The following NALCN variants were observed in gnomAD, a reference collection of about 807,000 sequenced individuals.
NALCN encodes the protein sodium leak channel NALCN.
Under a neutral mutation model 225.3 loss-of-function variants are expected in NALCN, and 111 were observed. The ratio of observed to expected loss-of-function variants is 0.49; its 90% CI spans 0.42 to 0.58. NALCN has a LOEUF of 0.58. Among genes scored for constraint, NALCN ranks in the 20% least tolerant of loss-of-function variants. The pLI is 0.00. For synonymous variants in NALCN, 764 were observed against 769.0 expected, an observed-to-expected ratio of 0.99 and a Z score of 0.11; for missense variants, 1,378 against 2,202.4, an observed-to-expected ratio of 0.63 and a Z score of 7.49.
chr13:101,349,057 A>T (rs1428465079), intron 6 of NALCN, among the ~76,000 whole-genome samples: 4 of 152,096 alleles, frequency 2.6e-5, no homozygotes, highest in Non-Finnish European at 5.9e-5. Flanking sequence ...GGTGGGGTGG[A>T]TGGAATTCTT....
rs527933743 is a variant in NALCN, at chr13:101,111,015, C to T, written c.2294+110G>A. ...AGCAAATAGAACGCGATTCCTCAGC[C>T]ATGCCTGTCTGGCAGCCAGGGCTGA... On this transcript the variant is annotated intron_variant, in intron 19 of 43. Coordinates refer to ENST00000251127, the MANE Select transcript of NALCN (RefSeq NM_052867.4). 1.1e-3 allele frequency: 1,181 copies of T among 1,068,498 alleles called. 7 individuals are homozygous for T. The highest frequency in any genetic ancestry group is 1.8e-3 in the Admixed American group (87 of 48,712). 66.2% of individuals were successfully genotyped at this position (1,068,498 alleles called of 1,614,324 possible).
At chr13:101,400,582 CACGTGT>C (rs202042313) in intron 1 of NALCN, among the ~76,000 whole-genome samples, 4,056 of 120,460 alleles carry the variant, frequency 0.034, 88 homozygotes, top group South Asian at 0.066. Context: ...TGTGTGTGTG[CACGTGT>C]GTGCGCGCGC....
chr13:101,366,857 G>A (rs2046389712), intron 6 of NALCN, among the ~76,000 whole-genome samples: 1 of 152,002 alleles, frequency 6.6e-6, no homozygotes, highest in African/African-American at 2.4e-5. Context: ...GTTGTGCATG[G>A]ATCTCAAAAC....
At chr13:101,116,952 C>A in intron 18 of NALCN, 1 of 516,510 alleles carries the variant, frequency 1.9e-6, no homozygotes, top group African/African-American at 1.9e-5. Flanking sequence ...GTGATCTTCC[C>A]AAGTAGAGAC....
At chr13:101,297,901 C>T (rs1235154534) in intron 7 of NALCN, among the ~76,000 whole-genome samples, 1 of 152,188 alleles carries the variant, frequency 6.6e-6, no homozygotes, top group Non-Finnish European at 1.5e-5. Flanking sequence ...TCTGATCCTC[C>T]AGCTGACTCT....
At chr13:101,086,713 C>T (rs915334418) in intron 30 of NALCN, among the ~76,000 whole-genome samples, 11 of 151,888 alleles carry the variant, frequency 7.2e-5, no homozygotes, top group Non-Finnish European at 1.5e-4. Context: ...ATGTTAATAT[C>T]TTTCACTATG....
At chr13:101,159,906 T>C (rs1307641481) in intron 15 of NALCN, among the ~76,000 whole-genome samples, 1 of 152,142 alleles carries the variant, frequency 6.6e-6, no homozygotes, top group Non-Finnish European at 1.5e-5. Context: ...CACATCTCTT[T>C]GTTAGTGAGA....
intron 16 of NALCN, 122 bp downstream of exon 16, chr13:101,144,638 A>C (rs1242528737): frequency 4.4e-6 from 4 of 904,014 alleles, no homozygotes; most frequent in Non-Finnish European, 6.5e-6. Flanking sequence ...TAGTAGAAAG[A>C]TGACAATAAA....
In NALCN at chr13:101,249,934, G is replaced by A. The variant is rs558360963; in HGVS notation, c.1266+8509C>T. Among the ~76,000 whole-genome samples the A allele has an allele frequency of 2.4e-4, 36 of 152,174 alleles. 1 individual carries two copies. Among genetic ancestry groups the A allele is most frequent in the Admixed American group, 4.6e-4 (7 of 15,276 alleles). On this transcript the variant is annotated intron_variant, in intron 11 of 43. Coordinates refer to ENST00000251127, the MANE Select transcript of NALCN (RefSeq NM_052867.4). ...AAAATCAGAGATATGATAATTAGAC[G>A]TGGAAAGACAAAACCTTAATTTCAG...
intron 10 of NALCN, among the ~76,000 whole-genome samples, chr13:101,272,296 G>A (rs1463163262): frequency 6.6e-6 from 1 of 151,714 alleles, no homozygotes; most frequent in Non-Finnish European, 1.5e-5. Flanking sequence ...CTCTGTTTGC[G>A]TGCATGCGTG....
intron 7 of NALCN, among the ~76,000 whole-genome samples, chr13:101,339,332 A>T (rs2139273247): frequency 6.6e-6 from 1 of 152,260 alleles, no homozygotes; most frequent in African/African-American, 2.4e-5. Context: ...TGTCCTTTAG[A>T]TTATGTCTAC....
rs562728632 is a variant in NALCN at position 101,063,151 on chromosome 13, A to G, written c.4605-1033T>C. On this transcript the variant is annotated intron_variant, in intron 40 of 43. Transcript: ENST00000251127. ...GGATTCCAGGTTATGGCTCAGACCCATGCACCCTGGTGCACCTGTGAGCTA... is the reference window on the plus strand; with the variant it reads ...GGATTCCAGGTTATGGCTCAGACCCGTGCACCCTGGTGCACCTGTGAGCTA... Among the ~76,000 whole-genome samples the G allele has an allele frequency of 3.3e-5, 5 of 152,278 alleles. No individual in the cohort carries two copies. The East Asian group carries it at 9.7e-4, about 29-fold the overall frequency.
chr13:101,076,631 C>A (rs2033272031), intron 34 of NALCN, among the ~76,000 whole-genome samples: 1 of 152,134 alleles, frequency 6.6e-6, no homozygotes, highest in Admixed American at 6.5e-5. Flanking sequence ...CGAAGGGGGT[C>A]CAGTGAGATC....
chr13:101,298,342 G>A (rs2043830667), intron 7 of NALCN, among the ~76,000 whole-genome samples: 1 of 136,998 alleles, frequency 7.3e-6, no homozygotes, highest in East Asian at 2.1e-4. Flanking sequence ...TTTTTTTTGA[G>A]ACGGTGTCTT....
At position 101,283,882 on chromosome 13, in the gene NALCN, A is replaced by C. The variant is rs377460815; in HGVS notation, c.1134+51T>G. On this transcript the variant is annotated intron_variant, in intron 10 of 43. Transcript: ENST00000251127. Reference sequence around the variant, plus strand: ...GCTGTGGATTTTCTTGGATGAAATAAAATTCAAAGACCTTTGCTGGGCGAT... The same window carrying C: ...GCTGTGGATTTTCTTGGATGAAATACAATTCAAAGACCTTTGCTGGGCGAT... 4.0e-5 allele frequency: 59 copies of C among 1,468,728 alleles called. No homozygotes were observed. The African/African-American group carries it at 4.2e-4, about 10-fold the overall frequency. The allele number at this position is 1,468,728 out of a possible 1,614,324, so 91.0% of individuals were successfully genotyped here.
At chr13:101,315,139 G>C (rs9557615) in intron 7 of NALCN, among the ~76,000 whole-genome samples, 1 of 151,904 alleles carries the variant, frequency 6.6e-6, no homozygotes, top group African/African-American at 2.4e-5. Context: ...GTAATGCTAG[G>C]GAAAAATTGG....
chr13:101,375,176 G>A (rs551004561), intron 6 of NALCN, among the ~76,000 whole-genome samples: 6 of 152,054 alleles, frequency 3.9e-5, no homozygotes, highest in East Asian at 3.9e-4. Flanking sequence ...GCATGTAAGC[G>A]TGTTTACGTA....
At chr13:101,125,015 C>A (rs532674901) in intron 17 of NALCN, among the ~76,000 whole-genome samples, 4 of 152,264 alleles carry the variant, frequency 2.6e-5, no homozygotes, top group African/African-American at 9.6e-5. Flanking sequence ...GCAATGTTCT[C>A]TAATCCACAT....
At chr13:101,070,052 G>A (rs1594136610) in intron 37 of NALCN, among the ~76,000 whole-genome samples, 1 of 124,128 alleles carries the variant, frequency 8.1e-6, no homozygotes, top group East Asian at 2.5e-4. Context: ...CTCCTTCCAT[G>A]AATCATGAAT....
Sources: allele counts gnomAD v4.1 joint callset (sites outside exome capture counted in the v4.1 genomes callset), GRCh38; gene constraint gnomAD v4.1.1; transcripts MANE v1.5; gene names NCBI Gene and HGNC (gene_info 2026-07-23, HGNC 2026-07-21).